Variants in SLCO1B1 observed in about 807,000 individuals in gnomAD.
SLCO1B1 encodes OATP-2.
In SLCO1B1, 81 loss-of-function variants were observed where a neutral mutation model predicts 70.1. The ratio of observed to expected loss-of-function variants is 1.16; its 90% CI spans 0.97 to 1.39. The LOEUF (loss-of-function observed/expected upper bound fraction) is 1.39, where lower values mean the gene tolerates loss of function less well. SLCO1B1 is among the 40% of genes most tolerant of loss of function. The pLI is 0.00. For missense variants in SLCO1B1, 895 were observed against 799.6 expected, an observed-to-expected ratio of 1.12 and a Z score of -1.44; for synonymous variants, 283 against 271.5, an observed-to-expected ratio of 1.04 and a Z score of -0.42.
chr12:21,201,699 G>A (rs1022387783), intron 9 of SLCO1B1, among the ~76,000 whole-genome samples: 2 of 152,094 alleles, frequency 1.3e-5, no homozygotes, highest in Non-Finnish European at 2.9e-5. Flanking sequence ...GTGTTTTGTT[G>A]TTGTTTATTT....
At chr12:21,136,418 C>A (rs1387536268) in intron 1 of SLCO1B1, among the ~76,000 whole-genome samples, 2 of 152,162 alleles carry the variant, frequency 1.3e-5, no homozygotes, top group Non-Finnish European at 2.9e-5. Context: ...TAATATCCTG[C>A]AGAGTGTTTT....
chr12:21,137,233 C>T (rs1192898536), intron 1 of SLCO1B1, among the ~76,000 whole-genome samples: 1 of 152,150 alleles, frequency 6.6e-6, no homozygotes, highest in African/African-American at 2.4e-5. Flanking sequence ...AGGTGTCAGT[C>T]CGCCCCTACT....
intron 11 of SLCO1B1, among the ~76,000 whole-genome samples, chr12:21,216,492 A>G (rs11834710): frequency 2.4e-3 from 369 of 152,308 alleles, no homozygotes; most frequent in African/African-American, 7.0e-3. Flanking sequence ...ACTTGTTTCT[A>G]CATTTTCCAC....
intron 1 of SLCO1B1, among the ~76,000 whole-genome samples, chr12:21,131,665 G>A (rs1448719907): frequency 6.7e-6 from 1 of 148,732 alleles, no homozygotes; most frequent in Non-Finnish European, 1.5e-5. Context: ...TGGGAGTAGA[G>A]GGAAGAGTTA....
At chr12:21,234,905 A>ATGTT (rs1941580933) in intron 14 of SLCO1B1, among the ~76,000 whole-genome samples, 1 of 152,060 alleles carries the variant, frequency 6.6e-6, no homozygotes, top group Non-Finnish European at 1.5e-5. Flanking sequence ...GTTCATGAAG[A>ATGTT]TGTTTGTTAT....
At chr12:21,226,679 T>C (rs1011103696) in intron 14 of SLCO1B1, among the ~76,000 whole-genome samples, 3 of 152,022 alleles carry the variant, frequency 2.0e-5, no homozygotes, top group Non-Finnish European at 4.4e-5. Context: ...CCATACAACA[T>C]ACAAACCACA....
chr12:21,138,492 A>G (rs1404364867), intron 1 of SLCO1B1, among the ~76,000 whole-genome samples: 1 of 152,234 alleles, frequency 6.6e-6, no homozygotes, highest in Non-Finnish European at 1.5e-5. Flanking sequence ...TTAGTCAAGC[A>G]TAAATTAATA....
At chr12:21,151,368 C>T (rs867853550) in intron 2 of SLCO1B1, among the ~76,000 whole-genome samples, 1 of 152,082 alleles carries the variant, frequency 6.6e-6, no homozygotes, top group South Asian at 2.1e-4. Flanking sequence ...TAATTCAAGT[C>T]CACTTTCACG....
Position 21,199,074 on chromosome 12 carries a change from T to C in SLCO1B1, c.971-1434T>C, listed in dbSNP as rs116697402. 9.0e-3 allele frequency among the ~76,000 whole-genome samples: 1,374 copies of C among 152,194 alleles called. 23 individuals are homozygous for C. Among genetic ancestry groups the C allele is most frequent in the African/African-American group, 0.032 (1,313 of 41,546 alleles). ...TGTTGTTTATTCCCACTATACATTT[T>C]CTTATCTCTTCTTTTTTTCTTTTCT... On this transcript the variant is annotated intron_variant, in intron 8 of 14. Transcript: ENST00000256958.
chr12:21,200,265 T>TA (rs1228506887), intron 8 of SLCO1B1, among the ~76,000 whole-genome samples: 1 of 152,158 alleles, frequency 6.6e-6, no homozygotes, highest in Non-Finnish European at 1.5e-5. Context: ...AAACAGCACT[T>TA]ACGTATGACC....
intron 2 of SLCO1B1, among the ~76,000 whole-genome samples, chr12:21,158,514 T>A (rs1004817708): frequency 6.6e-6 from 1 of 152,056 alleles, no homozygotes; most frequent in Non-Finnish European, 1.5e-5. Flanking sequence ...GCCAACATAG[T>A]GAAACCCCAT....
chr12:21,223,434 A>G (rs1941451263), intron 13 of SLCO1B1, among the ~76,000 whole-genome samples: 2 of 152,194 alleles, frequency 1.3e-5, no homozygotes, highest in South Asian at 4.1e-4. Context: ...GACAAAGTTT[A>G]TTACTTAAAA....
intron 1 of SLCO1B1, among the ~76,000 whole-genome samples, chr12:21,138,953 GT>G (rs1318054033): frequency 6.6e-6 from 1 of 152,066 alleles, no homozygotes; most frequent in Non-Finnish European, 1.5e-5. Flanking sequence ...ATTTTGTGTC[GT>G]TAAAGGGATC....
chr12:21,147,602 G>T (rs1310434093), intron 2 of SLCO1B1, among the ~76,000 whole-genome samples: 1 of 152,118 alleles, frequency 6.6e-6, no homozygotes, highest in Non-Finnish European at 1.5e-5. Flanking sequence ...TCCCTGCAAA[G>T]GACATAAACT....
chr12:21,211,044 C>T (rs1050494011), intron 11 of SLCO1B1, among the ~76,000 whole-genome samples: 2 of 152,106 alleles, frequency 1.3e-5, no homozygotes, highest in African/African-American at 4.8e-5. Context: ...TAATTGAATA[C>T]CATTTATTTC....
intron 14 of SLCO1B1, among the ~76,000 whole-genome samples, chr12:21,233,032 C>A (rs1941557806): frequency 6.6e-6 from 1 of 152,160 alleles, no homozygotes; most frequent in South Asian, 2.1e-4. Context: ...TCCACCCCAG[C>A]CTAGCAAAAT....
rs536705777 is a variant in SLCO1B1 at position 21,173,347 on chromosome 12, AT to A, written c.226+563del. The stretch of plus-strand genomic sequence containing the variant: ...ATATTTGTGTTTTTCCCTATTAGTA[AT>A]TTTTTTCTAGATAATTTATAAGATG... On this transcript the variant is annotated intron_variant, in intron 3 of 14. Coordinates refer to ENST00000256958, the MANE Select transcript of SLCO1B1 (RefSeq NM_006446.5). Among the ~76,000 whole-genome samples the A allele has an allele frequency of 3.7e-3, 562 of 152,000 alleles. 5 individuals are homozygous for A. Among genetic ancestry groups the A allele is most frequent in the African/African-American group, 0.012 (485 of 41,436 alleles).
chr12:21,206,089 CA>C, intron 11 of SLCO1B1, 56 bp downstream of exon 11: 1 of 1,395,658 alleles, frequency 7.2e-7, no homozygotes, highest in Non-Finnish European at 1.0e-6. Flanking sequence ...TTAGATTGAA[CA>C]ATTTTTTACC....
In SLCO1B1 at chr12:21,198,650, G is replaced by GA. The variant is rs1271834357; in HGVS notation, c.970+1468dup. ...TGGATAAAATAAGAATATATAGTCA[G>GA]AAAAAATATTGAATTTATTCCATAT... On this transcript the variant is annotated intron_variant, in intron 8 of 14. Coordinates refer to ENST00000256958, the MANE Select transcript of SLCO1B1 (RefSeq NM_006446.5). Among the ~76,000 whole-genome samples, 4 of 151,984 alleles carry GA rather than the reference G, an allele frequency of 2.6e-5. No homozygotes were observed. The East Asian group carries it at 7.7e-4, about 29-fold the overall frequency.
Sources: gnomAD v4.1 joint callset for allele counts (sites outside exome capture counted in the v4.1 genomes callset) on GRCh38, gnomAD v4.1.1 for gene constraint, MANE v1.5 for transcripts, NCBI Gene and HGNC (gene_info 2026-07-23, HGNC 2026-07-21) for gene names.